RNF125: variants seen among roughly 807,000 people sequenced by gnomAD.
The protein encoded by RNF125 is ring finger protein 125, also known as E3 ubiquitin-protein ligase RNF125.
Under a neutral mutation model 26.0 loss-of-function variants are expected in RNF125, and 21 were observed. That is an observed-to-expected ratio of 0.81 (90% confidence interval 0.57 to 1.16). The LOEUF (loss-of-function observed/expected upper bound fraction) is 1.16. Among genes scored for constraint, RNF125 ranks in the 50% most tolerant of loss-of-function variants. The pLI is 0.00. For synonymous variants in RNF125, 95 were observed against 109.2 expected (o/e 0.87, Z 0.81); for missense variants, 270 against 299.4 (o/e 0.90, Z 0.72).
the RNF125 span, among the ~76,000 whole-genome samples, chr18:32,088,636 G>A: frequency 6.6e-6 from 1 of 152,146 alleles, no homozygotes; most frequent in Non-Finnish European, 1.5e-5. Flanking sequence ...TGGAGTAGCT[G>A]GGACTATAGG....
At chr18:32,020,699 A>G (rs1299351085) in intron 1 of RNF125, among the ~76,000 whole-genome samples, 1 of 151,658 alleles carries the variant, frequency 6.6e-6, no homozygotes, top group African/African-American at 2.4e-5. Context: ...ACCTGAGGTC[A>G]GGAGTTCGAG....
chr18:32,049,144 A>G (rs538842340), intron 4 of RNF125, among the ~76,000 whole-genome samples: 5 of 152,294 alleles, frequency 3.3e-5, no homozygotes, highest in African/African-American at 1.2e-4. Flanking sequence ...AGTTTGGCCC[A>G]AATTGAAGGT....
intron 1 of RNF125, among the ~76,000 whole-genome samples, chr18:32,028,621 G>A (rs887105677): frequency 7.1e-6 from 1 of 141,218 alleles, no homozygotes; most frequent in African/African-American, 2.7e-5. Context: ...GTCTCGCTCT[G>A]TTATTCCGGC....
Position 32,019,041 on chromosome 18 carries a change from G to A in RNF125, c.164+14G>A. The A allele has an allele frequency of 1.2e-6, 2 of 1,611,074 alleles. No individual in the cohort carries two copies. The highest frequency in any genetic ancestry group is 1.7e-6 in the Non-Finnish European group (2 of 1,178,750). ...CTGTGGCCACGTGTAAGTTCCAGGG[G>A]AGCTCGGTTTGCGCCCACCCCTAAG... On this transcript the variant is annotated intron_variant, in intron 1 of 5. Coordinates refer to ENST00000217740, the MANE Select transcript of RNF125 (RefSeq NM_017831.4).
chr18:32,063,227 C>CAA (rs34268640), intron 4 of RNF125, among the ~76,000 whole-genome samples: 1,419 of 98,812 alleles, frequency 0.014, 23 homozygotes, highest in East Asian at 0.052. Context: ...AACTCCATTT[C>CAA]AAAAAAAAAA....
intron 4 of RNF125, among the ~76,000 whole-genome samples, chr18:32,064,396 CTTTTTTT>C (rs775086863): frequency 0.061 from 5,295 of 86,812 alleles, 149 homozygotes; most frequent in Middle Eastern, 0.13. Context: ...TTTTCTTTTT[CTTTTTTT>C]TTTTTTTTTT....
intron 4 of RNF125, among the ~76,000 whole-genome samples, chr18:32,051,189 C>T (rs1356663664): frequency 6.6e-6 from 1 of 152,074 alleles, no homozygotes; most frequent in Non-Finnish European, 1.5e-5. Flanking sequence ...ATATTCATTT[C>T]ATGTCTGTCT....
the RNF125 span, among the ~76,000 whole-genome samples, chr18:32,086,522 C>T: frequency 6.6e-6 from 1 of 150,782 alleles, no homozygotes; most frequent in Non-Finnish European, 1.5e-5. Flanking sequence ...ATGCTAATTT[C>T]TAATTTTTTT....
At chr18:32,053,040 G>T (rs2039343865) in intron 4 of RNF125, among the ~76,000 whole-genome samples, 1 of 152,160 alleles carries the variant, frequency 6.6e-6, no homozygotes, top group Non-Finnish European at 1.5e-5. Context: ...ACAGACTTTA[G>T]AAATGGAATT....
Position 32,052,738 on chromosome 18 carries a change from G to A in RNF125, c.504+7006G>A, listed in dbSNP as rs567234896. Among the ~76,000 whole-genome samples the A allele has an allele frequency of 2.6e-5, 4 of 152,196 alleles. No homozygotes were observed. The East Asian group carries it at 7.7e-4, about 29-fold the overall frequency. Reference sequence around the variant, plus strand: ...TGTCCATTATCATAGATATTCTGAAGGATCGAATCCTTTGCATCTTGGAAT... The same window carrying A: ...TGTCCATTATCATAGATATTCTGAAAGATCGAATCCTTTGCATCTTGGAAT... On this transcript the variant is annotated intron_variant, in intron 4 of 5. Transcript: ENST00000217740.
chr18:32,045,605 C>T (rs1164474424), intron 3 of RNF125, 37 bp from the exon 4 acceptor site: 1 of 1,410,144 alleles, frequency 7.1e-7, no homozygotes, highest in Admixed American at 2.0e-5. Flanking sequence ...TAGTTGCCAA[C>T]CATTTTAATA....
intron 1 of RNF125, among the ~76,000 whole-genome samples, chr18:32,029,516 C>T (rs911503680): frequency 6.6e-6 from 1 of 150,426 alleles, no homozygotes; most frequent in Non-Finnish European, 1.5e-5. Flanking sequence ...GTCCCAGCTA[C>T]TCAGGAGGCT....
At chr18:32,047,534 A>G (rs1598818396) in intron 4 of RNF125, among the ~76,000 whole-genome samples, 1 of 152,240 alleles carries the variant, frequency 6.6e-6, no homozygotes, top group Non-Finnish European at 1.5e-5. Context: ...TTGTGTCAGC[A>G]ATGTATGAGT....
At chr18:32,032,075 T>TTTTTG (rs1339677063) in intron 1 of RNF125, among the ~76,000 whole-genome samples, 1 of 151,774 alleles carries the variant, frequency 6.6e-6, no homozygotes, top group Admixed American at 6.6e-5. Flanking sequence ...AATTTTTGTA[T>TTTTTG]TTTTGTTTTG....
the RNF125 span, among the ~76,000 whole-genome samples, chr18:32,086,746 C>T: frequency 1.1e-4 from 16 of 151,928 alleles, no homozygotes; most frequent in Admixed American, 2.6e-4. Context: ...CTCGAACTCC[C>T]GACCTCAGGT....
intron 1 of RNF125, among the ~76,000 whole-genome samples, chr18:32,024,414 T>C (rs2039014384): frequency 6.6e-6 from 1 of 151,892 alleles, no homozygotes; most frequent in African/African-American, 2.4e-5. Flanking sequence ...TTTTGGTATA[T>C]TCTGCCTGAA....
At position 32,060,647 on chromosome 18, in the gene RNF125, A is replaced by G. The variant is rs535066184; in HGVS notation, c.505-5255A>G. 4.6e-5 allele frequency among the ~76,000 whole-genome samples: 7 copies of G among 152,338 alleles called. No homozygotes were observed. In the East Asian group the frequency reaches 1.3e-3, roughly 29 times the overall value. On this transcript the variant is annotated intron_variant, in intron 4 of 5. Transcript: ENST00000217740. ...TGGACAACATTGAGTATAAGTCAAT[A>G]CTTAGGTAATCTTCAGTCTGTCTCT...
rs1034184456 is a variant in RNF125, at chr18:32,070,554, C to A, written c.*2170C>A. ...TCCTGGTTTTCAAGAACACAGGGCA[C>A]GATAGAATTAGAACATCCCACAATT... On this transcript the variant is annotated 3_prime_UTR_variant, in exon 6 of 6. Transcript: ENST00000217740. 1 of 152,124 alleles carries A rather than the reference C, an allele frequency of 6.6e-6. No individual in the cohort carries two copies. The highest frequency in any genetic ancestry group is 1.5e-5 in the Non-Finnish European group (1 of 68,032). The allele number at this position is 152,124 out of a possible 1,614,324, so 9.4% of individuals were successfully genotyped here.
intron 2 of RNF125, 114 bp from the exon 3 acceptor site, chr18:32,042,065 T>G: frequency 1.4e-6 from 1 of 714,936 alleles, no homozygotes; most frequent in Non-Finnish European, 2.5e-6. Flanking sequence ...TGCATCTATT[T>G]AGTCAGTTGA....
Sources: allele counts gnomAD v4.1 joint callset (sites outside exome capture counted in the v4.1 genomes callset), GRCh38; gene constraint gnomAD v4.1.1; transcripts MANE v1.5; gene names NCBI Gene and HGNC (gene_info 2026-07-23, HGNC 2026-07-21).